Variants in ZNF487 observed in about 807,000 individuals in gnomAD.
ZNF487 encodes the protein zinc finger protein 487, also known as KRAB domain only 1.
Under a neutral mutation model 3.0 loss-of-function variants are expected in ZNF487, and 4 were observed. That is an observed-to-expected ratio of 1.35 (90% CI 0.66 to 3.08). ZNF487 has a LOEUF of 3.08. Ranked by LOEUF, ZNF487 falls within the 30% of genes most tolerant of loss-of-function variation. ZNF487 has a pLI of 0.01. For missense variants in ZNF487, 146 were observed against 98.7 expected, an observed-to-expected ratio of 1.48 and a Z score of -2.03; for synonymous variants, 55 against 34.6, an observed-to-expected ratio of 1.59 and a Z score of -2.06.
chr10:43,487,811 G>T (rs564672107), downstream of ZNF487, among the ~76,000 whole-genome samples: 7 of 151,658 alleles, frequency 4.6e-5, no homozygotes, highest in African/African-American at 1.2e-4. Flanking sequence ...GAGGCCGGGC[G>T]CAGTGGCCCT....
chr10:43,479,716 C>T (rs1228502539), intron 3 of ZNF487, among the ~76,000 whole-genome samples: 2 of 151,856 alleles, frequency 1.3e-5, no homozygotes, highest in African/African-American at 4.8e-5. Flanking sequence ...GGTGTGATCT[C>T]ATCTCACTGC....
chr10:43,441,688 G>T (rs1013586522), intron 1 of ZNF487, among the ~76,000 whole-genome samples: 45 of 152,248 alleles, frequency 3.0e-4, no homozygotes, highest in South Asian at 6.2e-4. Context: ...CTGGGTTCAA[G>T]TGATTCTCCT....
At chr10:43,492,224 A>G in the ZNF487 span, among the ~76,000 whole-genome samples, 2 of 151,862 alleles carry the variant, frequency 1.3e-5, no homozygotes, top group Non-Finnish European at 2.9e-5. Context: ...GTTTTGCAAT[A>G]CAGGTCTACT....
the ZNF487 span, among the ~76,000 whole-genome samples, chr10:43,511,952 C>A: frequency 6.6e-6 from 1 of 152,160 alleles, no homozygotes; most frequent in Non-Finnish European, 1.5e-5. Context: ...TTCCAAGTCC[C>A]TGACCATCCA....
intron 1 of ZNF487, among the ~76,000 whole-genome samples, chr10:43,474,881 C>T (rs748583261): frequency 1.3e-5 from 2 of 152,066 alleles, no homozygotes; most frequent in Non-Finnish European, 2.9e-5. Context: ...CCACACTCAG[C>T]CTAGGTTTTT....
chr10:43,467,766 G>T (rs1241621744), intron 1 of ZNF487, among the ~76,000 whole-genome samples: 1 of 150,758 alleles, frequency 6.6e-6, no homozygotes. Flanking sequence ...GCAGTGAGCC[G>T]AGATTGTGCC....
chr10:43,458,488 G>C (rs1249648555), intron 1 of ZNF487, among the ~76,000 whole-genome samples: 4 of 152,156 alleles, frequency 2.6e-5, no homozygotes, highest in African/African-American at 9.7e-5. Flanking sequence ...ACTTTAAATA[G>C]AGTGAGATGC....
chr10:43,509,479 A>ATATG, the ZNF487 span, among the ~76,000 whole-genome samples: 1 of 149,458 alleles, frequency 6.7e-6, no homozygotes, highest in Admixed American at 6.7e-5. Flanking sequence ...ATATATATAT[A>ATATG]TATCATGGGA....
intron 1 of ZNF487, chr10:43,454,390 C>T (rs1243072816): frequency 6.6e-6 from 1 of 152,200 alleles, no homozygotes; most frequent in African/African-American, 2.4e-5. Context: ...GAACAGTAAG[C>T]TGAGGACAGT....
At chr10:43,465,972 A>G (rs1346104812) in intron 1 of ZNF487, among the ~76,000 whole-genome samples, 4 of 151,816 alleles carry the variant, frequency 2.6e-5, no homozygotes, top group Admixed American at 6.6e-5. Flanking sequence ...GATCACTCGC[A>G]GTTAGGAGCT....
chr10:43,490,619 C>T, the ZNF487 span, among the ~76,000 whole-genome samples: 1 of 136,518 alleles, frequency 7.3e-6, no homozygotes, highest in Admixed American at 8.5e-5. Context: ...AAGCTGTTCT[C>T]CTGCCTCAGC....
chr10:43,480,289 G>A (rs1179040327), intron 3 of ZNF487, among the ~76,000 whole-genome samples: 2 of 150,578 alleles, frequency 1.3e-5, no homozygotes, highest in Non-Finnish European at 3.0e-5. Flanking sequence ...TGTATTTTGA[G>A]TAGAGACAGG....
At chr10:43,479,728 A>G (rs938118789) in intron 3 of ZNF487, among the ~76,000 whole-genome samples, 1 of 151,528 alleles carries the variant, frequency 6.6e-6, no homozygotes, top group Non-Finnish European at 1.5e-5. Context: ...TCTCACTGCA[A>G]CCTCCGCCTC....
the ZNF487 span, among the ~76,000 whole-genome samples, chr10:43,512,082 C>T: frequency 1.8e-4 from 27 of 152,332 alleles, no homozygotes; most frequent in Middle Eastern, 3.4e-3. Context: ...GGGAAGATTT[C>T]CCTTCACCGC....
At position 43,441,863 on chromosome 10, in the gene ZNF487, A is replaced by G. The variant is rs1839624666; in HGVS notation, c.-94+4601A>G. The stretch of plus-strand genomic sequence containing the variant: ...TGGCCTCCCAAAGTTCTGGGATTAC[A>G]GGCGTGAGCCACCATGCCCAGCCTT... On this transcript the variant is annotated intron_variant, in intron 1 of 3. Coordinates refer to ENST00000437590, the MANE Select transcript of ZNF487 (RefSeq NM_001355444.3). Among the ~76,000 whole-genome samples, 3 of 152,226 alleles carry G rather than the reference A, an allele frequency of 2.0e-5. No homozygotes were observed. The South Asian group carries it at 6.2e-4, about 31-fold the overall frequency.
the ZNF487 span, among the ~76,000 whole-genome samples, chr10:43,502,570 T>G: frequency 1.3e-5 from 2 of 152,216 alleles, no homozygotes; most frequent in Admixed American, 1.3e-4. Context: ...TTCACGTTTG[T>G]GCTGGTGCTG....
downstream of ZNF487, among the ~76,000 whole-genome samples, chr10:43,484,124 C>A (rs1300270062): frequency 6.6e-6 from 1 of 151,994 alleles, no homozygotes; most frequent in African/African-American, 2.4e-5. Context: ...CTGCTTTGGC[C>A]CCCCAAAGTG....
chr10:43,440,020 G>A (rs1839535738), intron 1 of ZNF487, among the ~76,000 whole-genome samples: 1 of 150,074 alleles, frequency 6.7e-6, no homozygotes, highest in South Asian at 2.1e-4. Context: ...CTTTAAAAAG[G>A]TTAATTGGTA....
At chr10:43,504,918 G>A in the ZNF487 span, among the ~76,000 whole-genome samples, 2 of 151,530 alleles carry the variant, frequency 1.3e-5, no homozygotes, top group Non-Finnish European at 2.9e-5. Context: ...GTTGCCAAAG[G>A]TGGTCTCAAA....
Sources: allele counts gnomAD v4.1 joint callset (sites outside exome capture counted in the v4.1 genomes callset), GRCh38; gene constraint gnomAD v4.1.1; transcripts MANE v1.5; gene names NCBI Gene and HGNC (gene_info 2026-07-23, HGNC 2026-07-21).